ADAM32: variants seen among roughly 807,000 people sequenced by gnomAD.
The protein encoded by ADAM32 is disintegrin and metalloproteinase domain-containing protein 32.
Under a neutral mutation model 114.9 loss-of-function variants are expected in ADAM32, and 89 were observed. The observed-to-expected ratio is 0.77, with a 90% CI of 0.65 to 0.92. The LOEUF (loss-of-function observed/expected upper bound fraction) is 0.92, where lower values mean the gene tolerates loss of function less well. Among genes scored for constraint, ADAM32 ranks in the 40% least tolerant of loss-of-function variants. The pLI is 0.00. For synonymous variants in ADAM32, 285 were observed against 307.5 expected, an observed-to-expected ratio of 0.93 and a Z score of 0.77; for missense variants, 870 against 932.8, an observed-to-expected ratio of 0.93 and a Z score of 0.88.
intron 4 of ADAM32, among the ~76,000 whole-genome samples, chr8:39,148,541 C>A (rs1236482235): frequency 6.7e-6 from 1 of 148,770 alleles, no homozygotes; most frequent in Non-Finnish European, 1.5e-5. Flanking sequence ...CATATATATT[C>A]TATTTATTTA....
chr8:39,284,081 C>A (rs1813623991), intron 24 of ADAM32, among the ~76,000 whole-genome samples: 1 of 152,108 alleles, frequency 6.6e-6, no homozygotes, highest in Non-Finnish European at 1.5e-5. Flanking sequence ...GCCTAAATGA[C>A]CTAGCTTCAA....
chr8:39,273,328 A>G (rs1259470775), intron 20 of ADAM32, among the ~76,000 whole-genome samples: 1 of 152,070 alleles, frequency 6.6e-6, no homozygotes, highest in Non-Finnish European at 1.5e-5. Flanking sequence ...CAACATGGTG[A>G]AACCCCGTCT....
chr8:39,219,121 C>G (rs1261667171), intron 12 of ADAM32, among the ~76,000 whole-genome samples: 2 of 152,050 alleles, frequency 1.3e-5, no homozygotes, highest in South Asian at 2.1e-4. Flanking sequence ...TGTGGCTGAT[C>G]TGGTATCCAA....
Position 39,151,698 on chromosome 8 carries a change from C to G in ADAM32, c.525+150C>G, listed in dbSNP as rs552469183. The G allele has an allele frequency of 3.3e-4, 190 of 580,384 alleles. 1 individual carries two copies. Among genetic ancestry groups the G allele is most frequent in the Non-Finnish European group, 1.6e-5 (6 of 381,054 alleles). The allele number at this position is 580,384 out of a possible 1,614,324, so 36.0% of individuals were successfully genotyped here. A position where few individuals can be genotyped will look rare whatever the true frequency, so the allele number is the denominator to read the frequency against. ...ATCTTTTTTTTTTTTTTTTCTCACT[C>G]TCTCACTCAGGTTGGAGTGCAGTGG... On this transcript the variant is annotated intron_variant, in intron 6 of 24. Coordinates refer to ENST00000379907, the MANE Select transcript of ADAM32 (RefSeq NM_145004.7).
intron 10 of ADAM32, among the ~76,000 whole-genome samples, chr8:39,172,985 C>T (rs570245083): frequency 5.3e-5 from 8 of 152,326 alleles, no homozygotes; most frequent in Non-Finnish European, 1.0e-4. Context: ...CCAGGCCGGC[C>T]GCAGTGGCTC....
intron 19 of ADAM32, among the ~76,000 whole-genome samples, chr8:39,264,906 G>T (rs1564716163): frequency 6.6e-6 from 1 of 152,140 alleles, no homozygotes; most frequent in African/African-American, 2.4e-5. Context: ...TGTGGTCTGA[G>T]AGTGTGATTG....
intron 14 of ADAM32, 65 bp from the exon 15 acceptor site, chr8:39,231,962 A>G: frequency 7.9e-7 from 1 of 1,263,284 alleles, no homozygotes; most frequent in Non-Finnish European, 1.1e-6. Flanking sequence ...ATATTATATG[A>G]AGAAATGGAG....
chr8:39,195,744 T>G (rs1040671421), intron 11 of ADAM32, among the ~76,000 whole-genome samples: 1 of 152,226 alleles, frequency 6.6e-6, no homozygotes, highest in Non-Finnish European at 1.5e-5. Flanking sequence ...CTTTCTATTC[T>G]GTTTCATTGC....
At chr8:39,270,719 A>T (rs1042573151) in intron 19 of ADAM32, among the ~76,000 whole-genome samples, 157 bp from the exon 20 acceptor site, 2 of 152,122 alleles carry the variant, frequency 1.3e-5, no homozygotes, top group Non-Finnish European at 2.9e-5. Context: ...AATGTTATTT[A>T]TTTGCATCTG....
At chr8:39,164,884 A>G in intron 8 of ADAM32, 49 bp downstream of exon 8, 2 of 1,555,588 alleles carry the variant, frequency 1.3e-6, no homozygotes, top group Non-Finnish European at 1.8e-6. Context: ...TTGAAATGAT[A>G]ATTTGCCTAA....
At chr8:39,233,439 A>G (rs1041834630) in intron 15 of ADAM32, among the ~76,000 whole-genome samples, 1 of 152,208 alleles carries the variant, frequency 6.6e-6, no homozygotes, top group Non-Finnish European at 1.5e-5. Context: ...ATGCTAATGC[A>G]TTATAATTAG....
rs1209664788 is a variant in ADAM32, at chr8:39,160,877, G to A, written c.526-20G>A. 1 of 1,558,614 alleles carries A rather than the reference G, an allele frequency of 6.4e-7. No individual in the cohort carries two copies. Among genetic ancestry groups the A allele is most frequent in the Admixed American group, 2.0e-5 (1 of 51,202 alleles). ...TTATGAAATTTTTCATGTATTATAT[G>A]CTGTTTTCCTTTTTTCTAGTCAGAA... is the stretch of plus-strand genomic sequence containing the variant. On this transcript the variant is annotated intron_variant, in intron 6 of 24. Transcript: ENST00000379907.
chr8:39,160,539 C>CAAAA (rs71218314), intron 6 of ADAM32, among the ~76,000 whole-genome samples: 3 of 68,388 alleles, frequency 4.4e-5, no homozygotes, highest in Admixed American at 2.1e-4. Context: ...GACTCCATCT[C>CAAAA]AAAAAAAAAA....
intron 13 of ADAM32, among the ~76,000 whole-genome samples, chr8:39,222,121 A>G (rs1809012601): frequency 6.6e-6 from 1 of 152,070 alleles, no homozygotes; most frequent in South Asian, 2.1e-4. Flanking sequence ...TAGAAGTAAC[A>G]TTTTCCACAT....
chr8:39,151,275 C>G, intron 5 of ADAM32, 102 bp from the exon 6 acceptor site: 1 of 1,004,412 alleles, frequency 1.0e-6, no homozygotes. Flanking sequence ...GAAAAAAATA[C>G]TGGACTCAAA....
chr8:39,196,688 T>C (rs1220007060), intron 11 of ADAM32, among the ~76,000 whole-genome samples: 1 of 152,180 alleles, frequency 6.6e-6, no homozygotes, highest in Non-Finnish European at 1.5e-5. Context: ...TAAATCATAC[T>C]TGATCATTAT....
chr8:39,158,994 T>A (rs1404750730), intron 6 of ADAM32, among the ~76,000 whole-genome samples: 2 of 152,204 alleles, frequency 1.3e-5, no homozygotes, highest in Non-Finnish European at 2.9e-5. Context: ...TAATTTACAT[T>A]ATTTGTCTAG....
chr8:39,204,082 A>G (rs1282551659), intron 11 of ADAM32, among the ~76,000 whole-genome samples: 1 of 151,882 alleles, frequency 6.6e-6, no homozygotes, highest in Non-Finnish European at 1.5e-5. Context: ...CTTCATTTCA[A>G]CTTTGGTGAA....
chr8:39,224,982 G>A (rs1809253421), intron 14 of ADAM32, among the ~76,000 whole-genome samples: 1 of 152,170 alleles, frequency 6.6e-6, no homozygotes, highest in South Asian at 2.1e-4. Flanking sequence ...CACTCAGCAT[G>A]TGCCATTGTC....
Sources: allele counts gnomAD v4.1 joint callset (sites outside exome capture counted in the v4.1 genomes callset), GRCh38; gene constraint gnomAD v4.1.1; transcripts MANE v1.5; gene names NCBI Gene and HGNC (gene_info 2026-07-23, HGNC 2026-07-21).